The following UBE2L3 variants were observed in gnomAD, a reference collection of about 807,000 sequenced individuals.
UBE2L3 encodes ubiquitin-conjugating enzyme E2 L3.
Under a neutral mutation model 17.8 loss-of-function variants are expected in UBE2L3, and 1 was observed. The observed-to-expected ratio is 0.06, with a 90% CI of 0.02 to 0.27. The LOEUF (loss-of-function observed/expected upper bound fraction) is 0.27. Among genes scored for constraint, UBE2L3 ranks in the 10% least tolerant of loss-of-function variants. The pLI is 1.00. For synonymous variants in UBE2L3, 44 were observed against 68.5 expected (o/e 0.64, Z 1.76); for missense variants, 40 against 192.6 (o/e 0.21, Z 4.69).
At chr22:21,592,763 A>AT in intron 1 of UBE2L3, 98 bp from the exon 2 acceptor site, 1 of 970,868 alleles carries the variant, frequency 1.0e-6, no homozygotes. Context: ...TGTCATTAGC[A>AT]TTTTTGGCAC....
At chr22:21,617,584 C>G (rs1386733117) in intron 3 of UBE2L3, among the ~76,000 whole-genome samples, 1 of 151,952 alleles carries the variant, frequency 6.6e-6, no homozygotes. Context: ...TGTTTTTAAG[C>G]CCCTACATTT....
intron 1 of UBE2L3, among the ~76,000 whole-genome samples, chr22:21,556,418 T>A (rs1387464331): frequency 2.0e-5 from 3 of 152,222 alleles, no homozygotes; most frequent in Admixed American, 6.5e-5. Context: ...ATAAAATAAA[T>A]TTTAAAATTG....
chr22:21,564,033 CTTTCT>C (rs1601386641), upstream of UBE2L3, among the ~76,000 whole-genome samples: 1 of 148,824 alleles, frequency 6.7e-6, no homozygotes, highest in Non-Finnish European at 1.5e-5. Flanking sequence ...TCTTTTCTTT[CTTTCT>C]TTTTTTTTTT....
At chr22:21,575,895 G>GGGATCCA (rs1275473089) in intron 1 of UBE2L3, among the ~76,000 whole-genome samples, 1 of 151,822 alleles carries the variant, frequency 6.6e-6, no homozygotes, top group Non-Finnish European at 1.5e-5. Flanking sequence ...ACCCACCTTA[G>GGGATCCA]CCTCCCAAAG....
chr22:21,598,210 T>TGTGTGTGTGTGTGTGTGTG (rs1555885647), intron 2 of UBE2L3, among the ~76,000 whole-genome samples: 4 of 151,886 alleles, frequency 2.6e-5, no homozygotes, highest in Non-Finnish European at 2.9e-5. Flanking sequence ...TGTGTGTGTG[T>TGTGTGTGTGTGTGTGTGTG]TTTTCATTTA....
At chr22:21,596,580 A>G (rs546432075) in intron 2 of UBE2L3, among the ~76,000 whole-genome samples, 1 of 152,054 alleles carries the variant, frequency 6.6e-6, no homozygotes, top group African/African-American at 2.4e-5. Flanking sequence ...TCTGTTGCCC[A>G]GGCTGGGGAG....
At chr22:21,601,469 C>G (rs555867262) in intron 2 of UBE2L3, among the ~76,000 whole-genome samples, 1 of 151,528 alleles carries the variant, frequency 6.6e-6, no homozygotes, top group African/African-American at 2.4e-5. Flanking sequence ...TGTACCACTA[C>G]GCCTGGCTAA....
chr22:21,561,102 T>C (rs1398258193), intron 1 of UBE2L3, among the ~76,000 whole-genome samples: 1 of 152,210 alleles, frequency 6.6e-6, no homozygotes, highest in Non-Finnish European at 1.5e-5. Flanking sequence ...CCTCAGGACT[T>C]GGTCTGGCCC....
chr22:21,615,997 G>C (rs952739126), intron 3 of UBE2L3, among the ~76,000 whole-genome samples: 1 of 152,198 alleles, frequency 6.6e-6, no homozygotes, highest in Non-Finnish European at 1.5e-5. Context: ...GAAAATACAT[G>C]TGTGAGATAA....
chr22:21,582,563 T>G (rs189777325), intron 1 of UBE2L3, among the ~76,000 whole-genome samples: 1 of 152,130 alleles, frequency 6.6e-6, no homozygotes, highest in Non-Finnish European at 1.5e-5. Context: ...TTCACTATTG[T>G]TGCCCAGCCT....
chr22:21,567,938 C>G (rs897664646), intron 1 of UBE2L3, 167 bp downstream of exon 1: 1 of 1,425,222 alleles, frequency 7.0e-7, no homozygotes, highest in African/African-American at 1.5e-5. Flanking sequence ...CGGGGCTGGC[C>G]TAGGCCGCAG....
chr22:21,599,178 T>G (rs984234420), intron 2 of UBE2L3, among the ~76,000 whole-genome samples: 1 of 152,154 alleles, frequency 6.6e-6, no homozygotes, highest in Non-Finnish European at 1.5e-5. Context: ...TCCGGATGCC[T>G]CATTCCTCCT....
At chr22:21,583,557 C>T (rs1927759266) in intron 1 of UBE2L3, among the ~76,000 whole-genome samples, 1 of 152,186 alleles carries the variant, frequency 6.6e-6, no homozygotes, top group South Asian at 2.1e-4. Flanking sequence ...TATTCTTCTG[C>T]ACGTCTGTTC....
intron 1 of UBE2L3, among the ~76,000 whole-genome samples, chr22:21,584,964 C>T (rs112817477): frequency 1.3e-5 from 2 of 152,240 alleles, no homozygotes; most frequent in African/African-American, 2.4e-5. Context: ...TCAAAACAAA[C>T]AAACAAAAAA....
chr22:21,576,677 G>A (rs918135558), intron 1 of UBE2L3, among the ~76,000 whole-genome samples: 7 of 151,690 alleles, frequency 4.6e-5, no homozygotes, highest in Non-Finnish European at 7.4e-5. Context: ...CTTGTGATCC[G>A]CCCACCTCGG....
At chr22:21,584,121 C>T (rs1010122527) in intron 1 of UBE2L3, among the ~76,000 whole-genome samples, 3 of 151,774 alleles carry the variant, frequency 2.0e-5, no homozygotes, top group Non-Finnish European at 2.9e-5. Flanking sequence ...GTGATCCGCC[C>T]GCCTTGGCCT....
At chr22:21,590,228 G>C (rs980168866) in intron 1 of UBE2L3, among the ~76,000 whole-genome samples, 2 of 151,520 alleles carry the variant, frequency 1.3e-5, no homozygotes, top group Non-Finnish European at 2.9e-5. Flanking sequence ...ACAGAGTTTC[G>C]CTCTTTTCGC....
At chr22:21,615,354 G>T (rs959091652) in intron 3 of UBE2L3, among the ~76,000 whole-genome samples, 1 of 151,884 alleles carries the variant, frequency 6.6e-6, no homozygotes, top group Non-Finnish European at 1.5e-5. Flanking sequence ...AGGAGATTGA[G>T]ACCATCCTGG....
chr22:21,564,805 T>C (rs1199636518), upstream of UBE2L3, among the ~76,000 whole-genome samples: 2 of 152,126 alleles, frequency 1.3e-5, no homozygotes, highest in South Asian at 4.1e-4. Context: ...TACAGCTATG[T>C]TTTTTATTTG....
Sources: gnomAD v4.1 joint callset for allele counts (sites outside exome capture counted in the v4.1 genomes callset) on GRCh38, gnomAD v4.1.1 for gene constraint, MANE v1.5 for transcripts, NCBI Gene and HGNC (gene_info 2026-07-23, HGNC 2026-07-21) for gene names.